The following MLIP variants were observed in gnomAD, a reference collection of about 807,000 sequenced individuals.
MLIP encodes the protein muscular LMNA-interacting protein.
A neutral mutation model predicts 84.8 loss-of-function variants in MLIP; 79 were observed. The ratio of observed to expected loss-of-function variants is 0.93; its 90% CI spans 0.78 to 1.12. MLIP has a LOEUF of 1.12. MLIP is among the 50% of genes most tolerant of loss of function. The probability of loss-of-function intolerance (pLI) is 0.00; values close to 1 mark genes in which losing one functional copy is unlikely to be tolerated. For synonymous variants in MLIP, 504 were observed against 463.0 expected (o/e 1.09, Z -1.14); for missense variants, 1,257 against 1,160.6 (o/e 1.08, Z -1.21).
In MLIP at chr6:54,098,148, C is replaced by CTTTCTT. The variant is rs1239993148; in HGVS notation, c.64-23296_64-23295insCTTTTT. On this transcript the variant is annotated intron_variant, in intron 1 of 12. Transcript: ENST00000274897. ...TGTTAAGTCTTGGGGATTTTTCTTT[C>CTTTCTT]TTTTTTTTTTTTTTTTTTTTTGTTA... Among the ~76,000 whole-genome samples the CTTTCTT allele has an allele frequency of 5.4e-3, 663 of 123,780 alleles. 9 individuals carry two copies. Among genetic ancestry groups the CTTTCTT allele is most frequent in the Non-Finnish European group, 7.9e-3 (471 of 59,676 alleles). The allele number at this position is 123,780 out of a possible 152,430, so 81.2% of individuals were successfully genotyped here. A position where few individuals can be genotyped will look rare whatever the true frequency, so the allele number is the denominator to read the frequency against.
rs1347183555 is a variant in MLIP at position 54,202,106 on chromosome 6, C to G, written c.2591C>G (p.Thr864Ser). ...AATATTTATTTTACATTCATGAAGA[C>G]TAAGCCTGGAGTAATTCGCCCAGTA... ...PSSTVSESQL[T>S]KPGVIRPVPV... The change falls in exon 11 of 14, where the codon ACT becomes AGT. Residue 864 changes from threonine to serine, a missense_variant and splice_region_variant. Physicochemically the swap from Thr to Ser is moderately conservative, Grantham distance 58 (BLOSUM62 1). Transcript: ENST00000502396. The G allele has an allele frequency of 3.8e-6, 6 of 1,571,752 alleles. No homozygotes were observed. The highest frequency in any genetic ancestry group is 1.4e-5 in the African/African-American group (1 of 73,448).
chr6:54,202,317 G>T, intron 11 of MLIP, 84 bp downstream of exon 11: 1 of 718,862 alleles, frequency 1.4e-6, no homozygotes, highest in Non-Finnish European at 1.9e-6. Flanking sequence ...AATATATTTT[G>T]ATAAATATAA....
At chr6:54,038,047 A>C (rs9474710) in intron 1 of MLIP, among the ~76,000 whole-genome samples, 20,493 of 151,798 alleles carry the variant, frequency 0.14, 2,630 homozygotes, top group African/African-American at 0.34. Context: ...TCCTTAATGC[A>C]CTCAGTGTTT....
At chr6:54,044,749 G>A (rs1764939121) in intron 1 of MLIP, among the ~76,000 whole-genome samples, 1 of 151,796 alleles carries the variant, frequency 6.6e-6, no homozygotes, top group South Asian at 2.1e-4. Flanking sequence ...GTGTTAGGTC[G>A]GTGAAATTAA....
At chr6:54,262,353 A>G (rs1188538134) in intron 13 of MLIP, among the ~76,000 whole-genome samples, 2 of 152,044 alleles carry the variant, frequency 1.3e-5, no homozygotes, top group South Asian at 2.1e-4. Context: ...CACCCTTCGT[A>G]TAGCCAAGGA....
rs74337366 is a variant in MLIP at position 54,028,210 on chromosome 6, C to A, written c.63+9119C>A. ...TATAACCTAAAAATTTCTCAAGGGTCCTTTTATTAATTTTCTTCTCAGTTA... is the reference window on the plus strand; with the variant it reads ...TATAACCTAAAAATTTCTCAAGGGTACTTTTATTAATTTTCTTCTCAGTTA... On this transcript the variant is annotated intron_variant, in intron 1 of 12. Coordinates refer to the MLIP transcript ENST00000274897. Among the ~76,000 whole-genome samples, 71 of 152,230 alleles carry A rather than the reference C, an allele frequency of 4.7e-4. 1 individual carries two copies. In the East Asian group the frequency reaches 0.013, roughly 28 times the overall value.
At chr6:54,097,443 T>C (rs182047257) in intron 1 of MLIP, among the ~76,000 whole-genome samples, 95 of 152,290 alleles carry the variant, frequency 6.2e-4, no homozygotes, top group African/African-American at 2.2e-3. Context: ...GGCTGAAGAG[T>C]ATCCCTTCGA....
intron 9 of MLIP, among the ~76,000 whole-genome samples, chr6:54,173,911 C>G (rs886184293): frequency 6.6e-6 from 1 of 151,060 alleles, no homozygotes; most frequent in Non-Finnish European, 1.5e-5. Flanking sequence ...CCTCTGGTAA[C>G]CATTCTTCTG....
At chr6:54,229,685 G>T (rs1309085896) in intron 11 of MLIP, among the ~76,000 whole-genome samples, 1 of 152,164 alleles carries the variant, frequency 6.6e-6, no homozygotes, top group Non-Finnish European at 1.5e-5. Flanking sequence ...CCATGTCTCT[G>T]CAAAGAACAT....
intron 10 of MLIP, among the ~76,000 whole-genome samples, chr6:54,191,366 C>T (rs1423633461): frequency 6.6e-6 from 1 of 152,198 alleles, no homozygotes; most frequent in East Asian, 1.9e-4. Flanking sequence ...TAGCTTGATT[C>T]AATCAATCCA....
intron 1 of MLIP, chr6:54,041,055 CCT>C (rs1764714050): frequency 1.3e-5 from 2 of 152,136 alleles, no homozygotes; most frequent in South Asian, 4.2e-4. Context: ...ATATACACCA[CCT>C]GAAGCTACGA....
At chr6:54,154,012 T>G (rs940929971) in intron 5 of MLIP, among the ~76,000 whole-genome samples, 7 of 152,086 alleles carry the variant, frequency 4.6e-5, no homozygotes, top group African/African-American at 1.7e-4. Context: ...AGTCCAGGAC[T>G]CAAATCTATG....
At chr6:54,019,837 G>C (rs571780392) in intron 1 of MLIP, among the ~76,000 whole-genome samples, 1 of 152,270 alleles carries the variant, frequency 6.6e-6, no homozygotes, top group South Asian at 2.1e-4. Context: ...CATTGTTCTA[G>C]ATGTATGAAG....
chr6:54,249,927 T>C (rs1782350909), intron 12 of MLIP, among the ~76,000 whole-genome samples: 1 of 152,038 alleles, frequency 6.6e-6, no homozygotes, highest in Non-Finnish European at 1.5e-5. Context: ...TTAGTTGTTT[T>C]TCCTGACTGT....
At chr6:54,156,287 A>G (rs1282348339) in intron 5 of MLIP, among the ~76,000 whole-genome samples, 3 of 152,084 alleles carry the variant, frequency 2.0e-5, no homozygotes, top group African/African-American at 7.2e-5. Flanking sequence ...CCCCCCATCC[A>G]ATTTTTAAAA....
chr6:54,213,726 A>C (rs1270911595), intron 11 of MLIP, among the ~76,000 whole-genome samples: 1 of 133,698 alleles, frequency 7.5e-6, no homozygotes, highest in African/African-American at 3.1e-5. Context: ...AAAAAAAAAA[A>C]AAAAAAAAAA....
chr6:54,079,205 A>T (rs1174353943), intron 1 of MLIP, among the ~76,000 whole-genome samples: 1 of 152,200 alleles, frequency 6.6e-6, no homozygotes, highest in Non-Finnish European at 1.5e-5. Flanking sequence ...ATCAGGTATG[A>T]CTAAAATTTA....
chr6:54,211,850 C>A (rs1303793180), intron 11 of MLIP, among the ~76,000 whole-genome samples: 2 of 152,228 alleles, frequency 1.3e-5, no homozygotes, highest in Non-Finnish European at 2.9e-5. Context: ...ACTCTCTGCT[C>A]CAATACTATG....
intron 4 of MLIP, 77 bp from the exon 5 acceptor site, chr6:54,148,979 G>T: frequency 8.2e-7 from 1 of 1,213,902 alleles, no homozygotes; most frequent in Non-Finnish European, 1.2e-6. Flanking sequence ...CATTTAACTT[G>T]GTAGAACTGT....
Sources: gnomAD v4.1 joint callset for allele counts (sites outside exome capture counted in the v4.1 genomes callset) on GRCh38, gnomAD v4.1.1 for gene constraint, MANE v1.5 for transcripts, NCBI Gene and HGNC (gene_info 2026-07-23, HGNC 2026-07-21) for gene names.